ACACB: variants seen among roughly 807,000 people sequenced by gnomAD.
ACACB encodes the protein acetyl-CoA carboxylase beta.
Under a neutral mutation model 278.8 loss-of-function variants are expected in ACACB, and 209 were observed. The observed-to-expected ratio is 0.75, with a 90% CI of 0.67 to 0.84. The LOEUF is 0.84. Ranked by LOEUF, ACACB falls within the 40% of genes least tolerant of loss-of-function variation. The pLI, the probability that ACACB is intolerant of heterozygous loss-of-function variation, is 0.00. For synonymous variants in ACACB, 1,174 were observed against 1,285.6 expected (o/e 0.91, Z 1.86); for missense variants, 2,850 against 3,269.0 (o/e 0.87, Z 3.13).
chr12:109,209,447 A>C, intron 21 of ACACB, 94 bp downstream of exon 21: 1 of 1,273,474 alleles, frequency 7.9e-7, no homozygotes, highest in Non-Finnish European at 1.1e-6. Context: ...ATCAAGTTGA[A>C]CTCCTTGAGA....
At chr12:109,174,548 GAA>G (rs34161814) in intron 7 of ACACB, among the ~76,000 whole-genome samples, 8 of 133,130 alleles carry the variant, frequency 6.0e-5, no homozygotes, top group East Asian at 2.2e-4. Flanking sequence ...TATTCTTTGG[GAA>G]AAAAAAAAAA....
At chr12:109,238,156 G>A (rs995648695) in intron 34 of ACACB, among the ~76,000 whole-genome samples, 5 of 151,116 alleles carry the variant, frequency 3.3e-5, no homozygotes, top group African/African-American at 1.2e-4. Flanking sequence ...GTTGTTGACT[G>A]TTTCTAGACA....
chr12:109,138,999 A>T (rs1236977290), intron 1 of ACACB, among the ~76,000 whole-genome samples: 1 of 152,206 alleles, frequency 6.6e-6, no homozygotes, highest in Non-Finnish European at 1.5e-5. Context: ...GAACATTTTC[A>T]TCATCCCAAA....
At chr12:109,222,453 C>T in intron 24 of ACACB, 54 bp from the exon 25 acceptor site, 4 of 1,535,498 alleles carry the variant, frequency 2.6e-6, no homozygotes, top group Middle Eastern at 1.7e-4. Flanking sequence ...ATGAGTGCTG[C>T]ATGTTTCCCT....
intron 24 of ACACB, among the ~76,000 whole-genome samples, chr12:109,218,913 T>C (rs2046084754): frequency 6.6e-6 from 1 of 152,118 alleles, no homozygotes; most frequent in East Asian, 1.9e-4. Flanking sequence ...ATTACAGGCA[T>C]GCGCCACCAC....
intron 2 of ACACB, among the ~76,000 whole-genome samples, chr12:109,162,269 G>A (rs538658715): frequency 3.9e-5 from 6 of 152,048 alleles, no homozygotes; most frequent in South Asian, 2.1e-4. Flanking sequence ...GTGAGCCACC[G>A]TGCCCAGCGT....
At chr12:109,244,633 T>C (rs773101697) in intron 37 of ACACB, among the ~76,000 whole-genome samples, 59 of 151,968 alleles carry the variant, frequency 3.9e-4, no homozygotes, top group Non-Finnish European at 8.4e-4. Context: ...AATTTTTTTA[T>C]TTATAGTGGA....
intron 28 of ACACB, among the ~76,000 whole-genome samples, chr12:109,227,987 T>C (rs546959589): frequency 4.0e-5 from 6 of 150,090 alleles, no homozygotes; most frequent in African/African-American, 1.5e-4. Context: ...TGAGCTGAGA[T>C]TGCCCCACTG....
chr12:109,228,139 C>T (rs1272446243), intron 28 of ACACB, among the ~76,000 whole-genome samples: 1 of 151,582 alleles, frequency 6.6e-6, no homozygotes, highest in Non-Finnish European at 1.5e-5. Context: ...GGTTCGAGAC[C>T]AGCCTGGCCA....
chr12:109,120,172 A>C (rs146096208), intron 1 of ACACB, among the ~76,000 whole-genome samples: 1 of 152,266 alleles, frequency 6.6e-6, no homozygotes, highest in Non-Finnish European at 1.5e-5. Context: ...CCACAAAGTG[A>C]GGCTTTTGGA....
Position 109,260,656 on chromosome 12 carries a change from A to C in ACACB, c.6673A>C (p.Arg2225=), listed in dbSNP as rs1293054133. The C allele has an allele frequency of 3.2e-6, 5 of 1,564,654 alleles. No individual in the cohort carries two copies. Residue 2225 remains arginine (R), a splice_region_variant and synonymous_variant, in exon 48 of 53, where the codon AGG becomes CGG. Coordinates refer to ENST00000338432, the MANE Select transcript of ACACB (RefSeq NM_001093.4). The stretch of plus-strand genomic sequence containing the variant: ...AGAAATGTATGCAGACAAAGAGAGC[A>C]GGTGGGTGTGTTGCCCTTAGCCTGG... ...CIEMYADKES[R]GGVLEPEGTV...
intron 34 of ACACB, among the ~76,000 whole-genome samples, chr12:109,238,322 G>T (rs989630951): frequency 1.4e-5 from 2 of 144,132 alleles, no homozygotes; most frequent in African/African-American, 5.1e-5. Context: ...TTATTTCCTT[G>T]CATGGATGTA....
intron 28 of ACACB, among the ~76,000 whole-genome samples, chr12:109,228,571 A>G (rs1163364275): frequency 2.0e-5 from 3 of 150,620 alleles, no homozygotes; most frequent in South Asian, 2.1e-4. Flanking sequence ...AGGGATGAGA[A>G]TCTCTTAAAC....
Position 109,139,384 on chromosome 12 carries a change from T to C in ACACB, c.-9-13T>C. On this transcript the variant is annotated splice_polypyrimidine_tract_variant and intron_variant, in intron 1 of 52. Transcript: ENST00000338432. The stretch of plus-strand genomic sequence containing the variant: ...ATGTAAATCCTAAAATGTCTCTCCT[T>C]TTCTCCTTACAGATTTTCTGAATGG... The C allele has an allele frequency of 6.3e-7, 1 of 1,597,982 alleles. No homozygotes were observed. Among genetic ancestry groups the C allele is most frequent in the Non-Finnish European group, 8.5e-7 (1 of 1,171,530 alleles).
At chr12:109,115,896 C>T (rs575627045), upstream of ACACB, among the ~76,000 whole-genome samples, 3 of 152,342 alleles carry the variant, frequency 2.0e-5, no homozygotes, top group South Asian at 6.2e-4. Context: ...TCCCTGTTGC[C>T]TGAGCACAAT....
At position 109,232,559 on chromosome 12, in the gene ACACB, G is replaced by A. The variant is rs879758334; in HGVS notation, c.4002-110G>A. On this transcript the variant is annotated intron_variant, in intron 28 of 52. Transcript: ENST00000338432. Reference sequence around the variant, plus strand: ...CCCTGCCCATTTTAAGCCCCCATTTGGAAGAGCTCTAAATCTGGTCCAGCT... The same window carrying A: ...CCCTGCCCATTTTAAGCCCCCATTTAGAAGAGCTCTAAATCTGGTCCAGCT... The A allele has an allele frequency of 3.7e-4, 504 of 1,364,348 alleles. 3 individuals carry two copies. The highest frequency in any genetic ancestry group is 2.4e-5 in the Non-Finnish European group (24 of 1,000,898). 84.5% of individuals were successfully genotyped at this position (1,364,348 alleles called of 1,614,324 possible).
intron 28 of ACACB, among the ~76,000 whole-genome samples, chr12:109,229,678 C>T (rs544840545): frequency 6.6e-6 from 1 of 152,264 alleles, no homozygotes; most frequent in African/African-American, 2.4e-5. Context: ...CACAGTCATG[C>T]ACCACCAAGC....
intron 18 of ACACB, among the ~76,000 whole-genome samples, chr12:109,201,343 C>T (rs2045323701): frequency 1.3e-5 from 2 of 152,308 alleles, no homozygotes; most frequent in East Asian, 3.9e-4. Context: ...TAAACACCTC[C>T]TTGGCTGGCT....
At position 109,262,400 on chromosome 12, in the gene ACACB, C is replaced by T. The variant is rs573571761; in HGVS notation, c.6718C>T (p.Arg2240Ter). 8.7e-6 allele frequency: 14 copies of T among 1,613,510 alleles called. No individual in the cohort carries two copies. The highest frequency in any genetic ancestry group is 6.7e-5 in the Admixed American group (4 of 59,970). The change falls in exon 49 of 53, where the codon CGA becomes TGA. Residue 2240 changes from arginine to a stop codon, truncating the protein, a stop_gained. Transcript: ENST00000338432. LOFTEE classifies it high-confidence loss of function. ...AGAGGGGACAGTGGAGATTAAGTTC[C>T]GAAAGAAAGATCTGATAAAGTCCAT... is the stretch of plus-strand genomic sequence containing the variant. ...EPEGTVEIKF[R>*]KKDLIKSMRR...
Sources: gnomAD v4.1 joint callset for allele counts (sites outside exome capture counted in the v4.1 genomes callset) on GRCh38, gnomAD v4.1.1 for gene constraint, MANE v1.5 for transcripts, NCBI Gene and HGNC (gene_info 2026-07-23, HGNC 2026-07-21) for gene names.